GLI4: variants seen among roughly 807,000 people sequenced by gnomAD.
GLI4 encodes the protein GLI family zinc finger 4.
In GLI4, 34 loss-of-function variants were observed where a neutral mutation model predicts 30.9. The observed-to-expected ratio is 1.10, with a 90% CI of 0.84 to 1.47. The LOEUF (loss-of-function observed/expected upper bound fraction) is 1.47, where lower values mean the gene tolerates loss of function less well. Ranked by LOEUF, GLI4 falls within the 40% of genes most tolerant of loss-of-function variation. The pLI, the probability that GLI4 is intolerant of heterozygous loss-of-function variation, is 0.00. For missense variants in GLI4, 696 were observed against 538.9 expected, an observed-to-expected ratio of 1.29 and a Z score of -2.89; for synonymous variants, 277 against 236.7, an observed-to-expected ratio of 1.17 and a Z score of -1.56.
At position 143,276,058 on chromosome 8, in the gene GLI4, C is replaced by A. The variant is rs1190312022; in HGVS notation, c.385C>A (p.Gln129Lys). The change falls in exon 4 of 4, where the codon CAG (glutamine) becomes AAG (lysine). Residue 129 changes from glutamine to lysine, a missense_variant. Coordinates refer to ENST00000340042, the MANE Select transcript of GLI4 (RefSeq NM_138465.4). ...PESSAERPAG[Q>K]PPGAVPCAQP... ...ATCCAGCGCGGAGCGGCCGGCGGGCCAGCCGCCTGGGGCCGTCCCTTGCGC... is the reference window on the plus strand; with the variant it reads ...ATCCAGCGCGGAGCGGCCGGCGGGCAAGCCGCCTGGGGCCGTCCCTTGCGC... The A allele has an allele frequency of 2.2e-6, 3 of 1,362,368 alleles. No individual in the cohort carries two copies. The highest frequency in any genetic ancestry group is 1.9e-6 in the Non-Finnish European group (2 of 1,064,328). The allele number at this position is 1,362,368 out of a possible 1,614,324, so 84.4% of individuals were successfully genotyped here.
intron 1 of GLI4, among the ~76,000 whole-genome samples, chr8:143,268,681 C>T (rs1451327688): frequency 6.6e-6 from 1 of 152,250 alleles, no homozygotes; most frequent in East Asian, 1.9e-4. Flanking sequence ...TGGAAGACTC[C>T]CTATGCCTTT....
rs1164849381 is a variant in GLI4 at position 143,276,832 on chromosome 8, C to G, written c.*28C>G. ...GGGCGGGGGCTCGGGGCTCGGCCTC[C>G]TACCTGCCCCCAACCCACCCTCCAC... On this transcript the variant is annotated 3_prime_UTR_variant, in exon 4 of 4. Coordinates refer to ENST00000340042, the MANE Select transcript of GLI4 (RefSeq NM_138465.4). The G allele has an allele frequency of 1.4e-6, 2 of 1,416,472 alleles. No individual in the cohort carries two copies. Among genetic ancestry groups the G allele is most frequent in the Non-Finnish European group, 1.9e-6 (2 of 1,052,698 alleles). 87.7% of individuals were successfully genotyped at this position (1,416,472 alleles called of 1,614,324 possible). A position where few individuals can be genotyped will look rare whatever the true frequency, so the allele number is the denominator to read the frequency against.
chr8:143,270,033 A>G (rs542514604), intron 2 of GLI4, among the ~76,000 whole-genome samples: 2 of 152,320 alleles, frequency 1.3e-5, no homozygotes, highest in South Asian at 4.1e-4. Context: ...CCAGCCCCAT[A>G]GTGCCCCTGG....
At chr8:143,275,209 G>C in intron 3 of GLI4, 5 of 1,535,542 alleles carry the variant, frequency 3.3e-6, no homozygotes, top group Non-Finnish European at 4.4e-6. Context: ...CCTCCCCTCA[G>C]CCTGGTTGGA....
intron 2 of GLI4, among the ~76,000 whole-genome samples, chr8:143,270,959 C>T (rs1191812753): frequency 1.3e-5 from 2 of 151,520 alleles, no homozygotes; most frequent in Non-Finnish European, 1.5e-5. Flanking sequence ...TGGGGCCAGG[C>T]CCCCTGAGCC....
Position 143,276,156 on chromosome 8 carries a change from G to A in GLI4, c.483G>A (p.Arg161=). ...AAAGPEGAPE[R]AAELGVNFGR... ...CCGGGCCCGAGGGTGCGCCCGAGCG[G>A]GCTGCCGAGCTGGGAGTCAACTTCG... Residue 161 remains arginine, a synonymous_variant, in exon 4 of 4, where the codon CGG becomes CGA. Transcript: ENST00000340042. 6.5e-7 allele frequency: 1 copy of A among 1,548,380 alleles called. No individual in the cohort carries two copies. The highest frequency in any genetic ancestry group is 1.2e-5 in the South Asian group (1 of 84,458).
Position 143,276,177 on chromosome 8 carries a change from CTT to C in GLI4, c.505_506del (p.Phe169ArgfsTer26). ...PERAAELGVN[F>X]GRSRQGSARG... Reference sequence around the variant, plus strand: ...AGCGGGCTGCCGAGCTGGGAGTCAACTTCGGTCGGAGCCGGCAGGGCAGCGCG... The same window carrying C: ...AGCGGGCTGCCGAGCTGGGAGTCAACCGGTCGGAGCCGGCAGGGCAGCGCG... On this transcript the variant is annotated frameshift_variant, in exon 4 of 4. Coordinates refer to ENST00000340042, the MANE Select transcript of GLI4 (RefSeq NM_138465.4). LOFTEE classifies it high-confidence loss of function. The C allele has an allele frequency of 6.4e-7, 1 of 1,556,366 alleles. No homozygotes were observed. Among genetic ancestry groups the C allele is most frequent in the Non-Finnish European group, 8.7e-7 (1 of 1,150,732 alleles).
chr8:143,275,255 A>C (rs1815358298), intron 3 of GLI4: 1 of 1,522,026 alleles, frequency 6.6e-7, no homozygotes, highest in African/African-American at 1.4e-5. Context: ...CCCCTTGAGA[A>C]GCTCCCAGGG....
intron 1 of GLI4, chr8:143,268,200 A>T (rs575947547): frequency 3.6e-4 from 208 of 585,288 alleles, no homozygotes; most frequent in Non-Finnish European, 4.3e-4. Flanking sequence ...TAGGGGATGG[A>T]GGCTGGCCCA....
intron 2 of GLI4, among the ~76,000 whole-genome samples, chr8:143,270,986 C>A (rs1815256044): frequency 1.3e-5 from 2 of 151,740 alleles, no homozygotes; most frequent in Admixed American, 6.6e-5. Flanking sequence ...GTTGCGCTAC[C>A]CCCAGCCCTG....
chr8:143,273,642 CGGGGTGT>C (rs1815318107), intron 2 of GLI4, among the ~76,000 whole-genome samples: 8 of 59,264 alleles, frequency 1.3e-4, no homozygotes, highest in Admixed American at 3.4e-4. Flanking sequence ...CTGTTATGAA[CGGGGTGT>C]CACAGCCAGG....
chr8:143,276,406 G>A lies in GLI4; in HGVS notation c.733G>A (p.Gly245Ser), dbSNP rs759910110. ...GEKPYECGQC[G>S]RAFSHSSHFT... ...GAAGCCCTACGAGTGCGGCCAGTGCGGCCGCGCCTTCAGCCACAGCTCGCA... is the reference window on the plus strand; with the variant it reads ...GAAGCCCTACGAGTGCGGCCAGTGCAGCCGCGCCTTCAGCCACAGCTCGCA... The change falls in exon 4 of 4, where the codon GGC (glycine) becomes AGC (serine). Residue 245 changes from glycine (G) to serine (S), a missense_variant. Physicochemically the swap from Gly to Ser is moderately conservative, Grantham distance 56. Coordinates refer to ENST00000340042, the MANE Select transcript of GLI4 (RefSeq NM_138465.4). 5 of 1,612,622 alleles carry A rather than the reference G, an allele frequency of 3.1e-6. No homozygotes were observed. The South Asian group carries it at 4.4e-5, about 14-fold the overall frequency.
At chr8:143,268,859 C>CTGCTGCTGCTGCTGTTGT (rs35422165) in intron 1 of GLI4, among the ~76,000 whole-genome samples, 4 of 149,384 alleles carry the variant, frequency 2.7e-5, no homozygotes, top group Admixed American at 6.7e-5. Flanking sequence ...GCTGCTGCTG[C>CTGCTGCTGCTGCTGTTGT]TGTTGTTTGA....
In GLI4 at chr8:143,276,634, A is replaced by C; in HGVS notation, c.961A>C (p.Lys321Gln). 6.2e-7 allele frequency: 1 copy of C among 1,612,564 alleles called. No homozygotes were observed. Among genetic ancestry groups the C allele is most frequent in the Non-Finnish European group, 8.5e-7 (1 of 1,179,770 alleles). The change falls in exon 4 of 4, where the codon AAG becomes CAG. Residue 321 changes from lysine (K) to glutamine (Q), a missense_variant. By Grantham distance (53) the Lys-to-Gln change is moderately conservative. Coordinates refer to ENST00000340042, the MANE Select transcript of GLI4 (RefSeq NM_138465.4). ...GCACCAGCGCATCCACACTGGCGAG[A>C]AGCCCTACGAGTGCTCCGACTGCGG... ...IEHQRIHTGE[K>Q]PYECSDCGKA...
At chr8:143,269,552 C>T (rs1323958596) in intron 2 of GLI4, 32 bp downstream of exon 2, 1 of 1,579,206 alleles carries the variant, frequency 6.3e-7, no homozygotes, top group African/African-American at 1.3e-5. Context: ...CGCCCTCCAC[C>T]CTGCATCCCC....
chr8:143,275,969 C>T lies in GLI4; in HGVS notation c.296C>T (p.Ala99Val). The T allele has an allele frequency of 7.5e-7, 1 of 1,339,518 alleles. No homozygotes were observed. The allele number at this position is 1,339,518 out of a possible 1,614,324, so 83.0% of individuals were successfully genotyped here. The change falls in exon 4 of 4, where the codon GCG (alanine) becomes GTG (valine). Residue 99 changes from alanine to valine, a missense_variant. Ala to Val is a moderately conservative substitution (Grantham distance 64). Coordinates refer to ENST00000340042, the MANE Select transcript of GLI4 (RefSeq NM_138465.4). Reference sequence around the variant, plus strand: ...GCCCCTGACGAGGGGGCGGGCGGGGCGCTGCGCAGCCTCCTGAGGAGCCTT... The same window carrying T: ...GCCCCTGACGAGGGGGCGGGCGGGGTGCTGCGCAGCCTCCTGAGGAGCCTT... ...SQAPDEGAGG[A>V]LRSLLRSLPR...
chr8:143,275,100 C>T (rs1205439081), intron 3 of GLI4: 2 of 1,535,644 alleles, frequency 1.3e-6, no homozygotes, highest in Admixed American at 3.9e-5. Flanking sequence ...CCCTCCCCTC[C>T]ACCTGCCTTG....
Position 143,276,344 on chromosome 8 carries a change from C to T in GLI4, c.671C>T (p.Ser224Leu), listed in dbSNP as rs779772726. 4.3e-6 allele frequency: 7 copies of T among 1,610,564 alleles called. No homozygotes were observed. Among genetic ancestry groups the T allele is most frequent in the South Asian group, 2.2e-5 (2 of 90,926 alleles). ...TGCGGCAAGCGCTTCCGCGGCTGGT[C>T]GGGCTTCATCCAGCACCACCGCATC... The part of the protein sequence containing the change: ...HECGKRFRGW[S>L]GFIQHHRIHT... Residue 224 changes from serine to leucine, a missense_variant, in exon 4 of 4, where the codon TCG (serine) becomes TTG (leucine). Physicochemically the swap from Ser to Leu is moderately radical, Grantham distance 145. Coordinates refer to ENST00000340042, the MANE Select transcript of GLI4 (RefSeq NM_138465.4).
At chr8:143,268,038 A>G in intron 1 of GLI4, 3 of 985,340 alleles carry the variant, frequency 3.0e-6, no homozygotes, top group Non-Finnish European at 3.6e-6. Context: ...GCCTCTGCTC[A>G]GTCCTGGGGG....
Sources: allele counts gnomAD v4.1 joint callset (sites outside exome capture counted in the v4.1 genomes callset), GRCh38; gene constraint gnomAD v4.1.1; transcripts MANE v1.5; gene names NCBI Gene and HGNC (gene_info 2026-07-23, HGNC 2026-07-21).